Variants in PCDHGA4 observed in about 807,000 individuals in gnomAD.
The protein encoded by PCDHGA4 is protocadherin gamma-A4.
In PCDHGA4, 38 loss-of-function variants were observed where a neutral mutation model predicts 54.6. The observed-to-expected ratio is 0.70, with a 90% CI of 0.54 to 0.91. The LOEUF is 0.91. Ranked by LOEUF, PCDHGA4 falls within the 40% of genes least tolerant of loss-of-function variation. The pLI is 0.00. For synonymous variants in PCDHGA4, 511 were observed against 512.9 expected (o/e 1.00, Z 0.05); for missense variants, 1,298 against 1,220.9 (o/e 1.06, Z -0.94).
At chr5:141,370,675 A>G (rs567328067) in intron 1 of PCDHGA4, 2 of 1,613,844 alleles carry the variant, frequency 1.2e-6, no homozygotes, top group African/African-American at 2.7e-5. Flanking sequence ...GACCGAGAGG[A>G]GATTTGTGGC....
chr5:141,384,191 C>T (rs376661364), intron 1 of PCDHGA4: 30 of 1,613,842 alleles, frequency 1.9e-5, no homozygotes, highest in Non-Finnish European at 2.5e-5. Context: ...GGAACTCCTC[C>T]CTTGTCCAGG....
chr5:141,423,750 T>TGGG lies in PCDHGA4; in HGVS notation c.2514+66137_2514+66139dup, dbSNP rs144521096. 4.7e-3 allele frequency: 1,348 copies of TGGG among 288,070 alleles called. 1 individual carries two copies. The highest frequency in any genetic ancestry group is 5.4e-3 in the Non-Finnish European group (1,192 of 221,408). 17.8% of individuals were successfully genotyped at this position (288,070 alleles called of 1,614,324 possible). A position where few individuals can be genotyped will look rare whatever the true frequency, so the allele number is the denominator to read the frequency against. ...TTTTGAGCCTGTTATGAAAACTGTT[T>TGGG]GGGGGGGGGGTGGGGCGGCATATAT... is the stretch of plus-strand genomic sequence containing the variant. On this transcript the variant is annotated intron_variant, in intron 1 of 3. Coordinates refer to ENST00000571252, the MANE Select transcript of PCDHGA4 (RefSeq NM_018917.4).
chr5:141,398,578 A>C (rs370163028), intron 1 of PCDHGA4: 29 of 1,613,942 alleles, frequency 1.8e-5, no homozygotes, highest in Admixed American at 3.3e-5. Context: ...GCCTGGCACA[A>C]GATTTATACT....
At chr5:141,394,875 A>G in intron 1 of PCDHGA4, 3 of 1,613,722 alleles carry the variant, frequency 1.9e-6, no homozygotes, top group Non-Finnish European at 8.5e-7. Flanking sequence ...GAACGATTCG[A>G]GCCTTACACT....
At chr5:141,383,946 G>A (rs1023403145) in intron 1 of PCDHGA4, 3 of 1,613,696 alleles carry the variant, frequency 1.9e-6, no homozygotes, top group Non-Finnish European at 2.5e-6. Flanking sequence ...AAGTGACTAT[G>A]ACGTCTTTAA....
At chr5:141,374,549 G>C in intron 1 of PCDHGA4, 1 of 1,613,404 alleles carries the variant, frequency 6.2e-7, no homozygotes, top group Non-Finnish European at 8.5e-7. Flanking sequence ...TCCACTAATG[G>C]AGGTCTATGA....
chr5:141,502,475 A>G (rs1246548191), intron 2 of PCDHGA4, among the ~76,000 whole-genome samples: 1 of 150,884 alleles, frequency 6.6e-6, no homozygotes, highest in Non-Finnish European at 1.5e-5. Context: ...TTCCCGCAGC[A>G]TCACACTGGG....
chr5:141,480,887 A>T (rs2099527301), intron 1 of PCDHGA4, among the ~76,000 whole-genome samples: 1 of 152,146 alleles, frequency 6.6e-6, no homozygotes. Flanking sequence ...TCTACTAAAA[A>T]TGCAAACATT....
At chr5:141,457,677 T>C (rs1386991642) in intron 1 of PCDHGA4, among the ~76,000 whole-genome samples, 1 of 152,262 alleles carries the variant, frequency 6.6e-6, no homozygotes, top group Non-Finnish European at 1.5e-5. Flanking sequence ...TATTTCTACA[T>C]AGGACTTTTG....
At chr5:141,365,407 C>G in intron 1 of PCDHGA4, 2 of 1,614,012 alleles carry the variant, frequency 1.2e-6, no homozygotes, top group South Asian at 1.1e-5. Flanking sequence ...TCTCTGAAGA[C>G]TGTCTTCCCG....
At chr5:141,423,192 C>T in intron 1 of PCDHGA4, 2 of 1,613,622 alleles carry the variant, frequency 1.2e-6, no homozygotes, top group African/African-American at 2.7e-5. Context: ...AGCCCCCTCT[C>T]TCGGCCACCG....
At chr5:141,434,698 A>G (rs2097710714) in intron 1 of PCDHGA4, among the ~76,000 whole-genome samples, 1 of 152,070 alleles carries the variant, frequency 6.6e-6, no homozygotes, top group South Asian at 2.1e-4. Context: ...GTTAATAAAT[A>G]TGTGGGTAAA....
At chr5:141,366,324 C>G in intron 1 of PCDHGA4, 1 of 1,613,838 alleles carries the variant, frequency 6.2e-7, no homozygotes, top group Non-Finnish European at 8.5e-7. Context: ...GTTGCCGTGG[C>G]CGACAGGATC....
Position 141,431,344 on chromosome 5 carries a change from G to T in PCDHGA4, c.2515-63463G>T. On this transcript the variant is annotated intron_variant, in intron 1 of 3. Coordinates refer to ENST00000571252, the MANE Select transcript of PCDHGA4 (RefSeq NM_018917.4). This position sits in a 1 kb window ranked among gnomAD's most constrained non-coding sequence, Gnocchi z 4.8. ...ACGGTAGTAAGTACCCCGAATTGGT[G>T]CTGAAACGCGCCCTGGACCGCGAAG... 1 of 1,614,078 alleles carries T rather than the reference G, an allele frequency of 6.2e-7. No individual in the cohort carries two copies. The highest frequency in any genetic ancestry group is 1.3e-5 in the African/African-American group (1 of 75,068).
chr5:141,363,061 A>G (rs1240861333), intron 1 of PCDHGA4, among the ~76,000 whole-genome samples: 2 of 152,256 alleles, frequency 1.3e-5, no homozygotes, highest in Admixed American at 6.5e-5. Context: ...CAGTAAGCTA[A>G]ATGTCTTGGA....
At chr5:141,384,531 C>T (rs762355289) in intron 1 of PCDHGA4, 11 of 1,614,116 alleles carry the variant, frequency 6.8e-6, no homozygotes, top group African/African-American at 2.7e-5. Context: ...CTCTCAGCAG[C>T]AACATGTCAC....
At chr5:141,385,471 C>T in intron 1 of PCDHGA4, 4 of 1,437,776 alleles carry the variant, frequency 2.8e-6, no homozygotes, top group South Asian at 3.1e-5. Context: ...AGTGGTGACA[C>T]TTTAATATAG....
At chr5:141,441,499 GCCT>G (rs1350774469) in intron 1 of PCDHGA4, 5 of 169,932 alleles carry the variant, frequency 2.9e-5, no homozygotes, top group African/African-American at 1.2e-4. Context: ...TTTCTACCAG[GCCT>G]CCTACGTCGT....
chr5:141,408,540 C>A (rs201370009), intron 1 of PCDHGA4: 1 of 1,614,046 alleles, frequency 6.2e-7, no homozygotes. Flanking sequence ...GTGGAAAATC[C>A]TTTAAATATT....
Sources: gnomAD v4.1 joint callset for allele counts (sites outside exome capture counted in the v4.1 genomes callset) on GRCh38, gnomAD v4.1.1 for gene constraint, Gnocchi (gnomAD v3.1) non-coding constraint, MANE v1.5 for transcripts, NCBI Gene and HGNC (gene_info 2026-07-23, HGNC 2026-07-21) for gene names.